Variants in CDH13 observed in about 807,000 individuals in gnomAD.
The protein encoded by CDH13 is cadherin 13, also known as cadherin-13.
CDH13 carries 24 observed loss-of-function variants against 63.8 expected under a neutral mutation model. That is an observed-to-expected ratio of 0.38 (90% CI 0.27 to 0.53). CDH13 has a LOEUF of 0.53. Ranked by LOEUF, CDH13 falls within the 20% of genes least tolerant of loss-of-function variation. The probability of loss-of-function intolerance (pLI) is 0.85; values close to 1 mark genes in which losing one functional copy is unlikely to be tolerated. For missense variants in CDH13, 1,049 were observed against 903.1 expected, an observed-to-expected ratio of 1.16 and a Z score of -2.07; for synonymous variants, 503 against 355.3, an observed-to-expected ratio of 1.42 and a Z score of -4.67.
intron 1 of CDH13, among the ~76,000 whole-genome samples, chr16:82,800,929 C>CA (rs1567548920): frequency 6.6e-6 from 1 of 152,094 alleles, no homozygotes; most frequent in East Asian, 1.9e-4. Context: ...CTTTCGACTC[C>CA]ATTTGGTACA....
At chr16:82,630,925 A>G (rs1907932120) in intron 1 of CDH13, among the ~76,000 whole-genome samples, 1 of 152,216 alleles carries the variant, frequency 6.6e-6, no homozygotes. Context: ...AGCATTACAA[A>G]ATTCTGAATC....
At chr16:83,315,496 GACTA>G (rs1217310316) in intron 5 of CDH13, among the ~76,000 whole-genome samples, 2 of 152,104 alleles carry the variant, frequency 1.3e-5, no homozygotes, top group Non-Finnish European at 2.9e-5. Context: ...TTCCGTGAAT[GACTA>G]ACTGGTGATG....
intron 10 of CDH13, among the ~76,000 whole-genome samples, chr16:83,701,533 T>C (rs985744437): frequency 6.6e-6 from 1 of 152,166 alleles, no homozygotes; most frequent in African/African-American, 2.4e-5. Context: ...ACTGAAGCTA[T>C]ATCTGTTTGA....
intron 3 of CDH13, among the ~76,000 whole-genome samples, chr16:83,033,605 G>A (rs1197396072): frequency 6.6e-6 from 1 of 152,148 alleles, no homozygotes; most frequent in Non-Finnish European, 1.5e-5. Context: ...TTGCCAGGCA[G>A]CAGTGCTTGT....
chr16:83,031,909 G>A (rs996517326), intron 2 of CDH13, 101 bp from the exon 3 acceptor site: 104 of 906,060 alleles, frequency 1.1e-4, no homozygotes, highest in Middle Eastern at 6.3e-4. Flanking sequence ...ACTCTGGGTT[G>A]GGAAACTATG....
Position 82,824,317 on chromosome 16 carries a change from A to T in CDH13, c.46-34045A>T, listed in dbSNP as rs967062830. 4 of 152,124 alleles carry T rather than the reference A, an allele frequency of 2.6e-5. No homozygotes were observed. In the East Asian group the frequency reaches 7.7e-4, roughly 29 times the overall value. 9.4% of individuals were successfully genotyped at this position (152,124 alleles called of 1,614,324 possible). A position where few individuals can be genotyped will look rare whatever the true frequency, so the allele number is the denominator to read the frequency against. ...TATTTTAGAAACGGAAAGGAAAAAA[A>T]AACATAAACAACTATCCTGCCTTTG... On this transcript the variant is annotated intron_variant, in intron 1 of 13. Coordinates refer to ENST00000567109, the MANE Select transcript of CDH13 (RefSeq NM_001257.5).
chr16:83,243,889 C>G (rs1207982678), intron 5 of CDH13, among the ~76,000 whole-genome samples: 2 of 152,150 alleles, frequency 1.3e-5, no homozygotes, highest in Non-Finnish European at 2.9e-5. Flanking sequence ...AGATTTGGAT[C>G]TTTTAAAAGA....
intron 5 of CDH13, among the ~76,000 whole-genome samples, chr16:83,251,148 G>A (rs1256214450): frequency 1.3e-5 from 2 of 152,088 alleles, no homozygotes; most frequent in Non-Finnish European, 2.9e-5. Context: ...TAGTTGGGAA[G>A]TCATTTCATA....
intron 1 of CDH13, among the ~76,000 whole-genome samples, chr16:82,810,936 A>C (rs902758018): frequency 6.6e-6 from 1 of 152,202 alleles, no homozygotes; most frequent in Non-Finnish European, 1.5e-5. Flanking sequence ...GTTGGAGAAC[A>C]GCAATGGTTC....
At chr16:83,566,703 T>C (rs1904284070) in intron 7 of CDH13, among the ~76,000 whole-genome samples, 1 of 152,176 alleles carries the variant, frequency 6.6e-6, no homozygotes, top group South Asian at 2.1e-4. Context: ...TCCAGCTCAC[T>C]TTATGACAGC....
chr16:82,797,757 A>G (rs1219791285), intron 1 of CDH13, among the ~76,000 whole-genome samples: 2 of 148,264 alleles, frequency 1.3e-5, no homozygotes, highest in Non-Finnish European at 3.0e-5. Flanking sequence ...ACAAGGGCCC[A>G]TGTATGACTT....
intron 2 of CDH13, among the ~76,000 whole-genome samples, chr16:83,013,199 C>T (rs374029555): frequency 1.3e-5 from 2 of 152,230 alleles, no homozygotes; most frequent in South Asian, 4.1e-4. Flanking sequence ...TCTGCTGTTG[C>T]AGTTCAAAAG....
At position 83,730,286 on chromosome 16, in the gene CDH13, G is replaced by C. The variant is rs183997467; in HGVS notation, c.1539-17822G>C. Among the ~76,000 whole-genome samples, 189 of 152,284 alleles carry C rather than the reference G, an allele frequency of 1.2e-3. 1 individual carries two copies. Among genetic ancestry groups the C allele is most frequent in the Non-Finnish European group, 2.6e-4 (18 of 68,010 alleles). ...CACAATGCAAATCTGAGTATTAAAG[G>C]CTCTGAGAATTCTTGCGCAAAGGGG... On this transcript the variant is annotated intron_variant, in intron 10 of 13. Transcript: ENST00000567109.
intron 2 of CDH13, among the ~76,000 whole-genome samples, chr16:82,945,154 G>A (rs1272088780): frequency 6.6e-6 from 1 of 152,186 alleles, no homozygotes; most frequent in East Asian, 1.9e-4. Flanking sequence ...AGAACTTAAT[G>A]TAAATAAGTG....
intron 3 of CDH13, among the ~76,000 whole-genome samples, chr16:83,080,775 GA>G (rs1482474669): frequency 6.6e-6 from 1 of 150,768 alleles, no homozygotes; most frequent in East Asian, 2.0e-4. Context: ...ATTATTACAT[GA>G]ATAGTATGGG....
intron 5 of CDH13, among the ~76,000 whole-genome samples, chr16:83,326,981 C>G (rs2090377297): frequency 6.6e-6 from 1 of 152,182 alleles, no homozygotes; most frequent in African/African-American, 2.4e-5. Flanking sequence ...TCATGTCTGG[C>G]TGCTGAAGAC....
At chr16:82,881,614 C>T (rs2040704823) in intron 2 of CDH13, among the ~76,000 whole-genome samples, 1 of 152,164 alleles carries the variant, frequency 6.6e-6, no homozygotes, top group Non-Finnish European at 1.5e-5. Context: ...AAACATAGTC[C>T]TTCCGTCCTG....
chr16:83,414,066 T>G (rs1325958766), intron 6 of CDH13, among the ~76,000 whole-genome samples: 2 of 152,198 alleles, frequency 1.3e-5, no homozygotes, highest in African/African-American at 4.8e-5. Flanking sequence ...ACTTGATTCT[T>G]TTACTTCCCT....
intron 3 of CDH13, among the ~76,000 whole-genome samples, chr16:83,121,782 G>A (rs1368103882): frequency 1.3e-5 from 2 of 152,094 alleles, no homozygotes; most frequent in African/African-American, 4.8e-5. Context: ...CTGAGTGAAG[G>A]GATATGTGCA....
Sources: allele counts gnomAD v4.1 joint callset (sites outside exome capture counted in the v4.1 genomes callset), GRCh38; gene constraint gnomAD v4.1.1; transcripts MANE v1.5; gene names NCBI Gene and HGNC (gene_info 2026-07-23, HGNC 2026-07-21).